CFAP299: variants seen among roughly 807,000 people sequenced by gnomAD.
CFAP299 encodes cilia- and flagella-associated protein 299.
Under a neutral mutation model 27.0 loss-of-function variants are expected in CFAP299, and 21 were observed. The observed-to-expected ratio is 0.78, with a 90% CI of 0.55 to 1.12. CFAP299 has a LOEUF of 1.12. Ranked by LOEUF, CFAP299 falls within the 50% of genes most tolerant of loss-of-function variation. The pLI is 0.00. For missense variants in CFAP299, 310 were observed against 276.6 expected (o/e 1.12, Z -0.86); for synonymous variants, 104 against 98.1 (o/e 1.06, Z -0.36).
intron 2 of CFAP299, among the ~76,000 whole-genome samples, chr4:80,456,781 A>G (rs192682568): frequency 6.6e-6 from 1 of 152,272 alleles, no homozygotes; most frequent in Admixed American, 6.5e-5. Context: ...TGACTCATGC[A>G]TGTAATCATG....
chr4:80,923,011 T>C, intron 4 of CFAP299, among the ~76,000 whole-genome samples: 1 of 151,996 alleles, frequency 6.6e-6, no homozygotes. Context: ...CAATATGTGC[T>C]ATGTAATCAG....
chr4:80,889,011 CAAAAAAAAAAA>C (rs35328435), intron 4 of CFAP299, among the ~76,000 whole-genome samples: 1 of 52,712 alleles, frequency 1.9e-5, no homozygotes, highest in African/African-American at 6.9e-5. Context: ...AGTGCCTAAG[CAAAAAAAAAAA>C]AAAAAAAAAA....
At chr4:80,642,623 G>C (rs1214856684) in intron 3 of CFAP299, among the ~76,000 whole-genome samples, 1 of 152,048 alleles carries the variant, frequency 6.6e-6, no homozygotes, top group African/African-American at 2.4e-5. Context: ...AATTAGCTGG[G>C]TGTGGTGGCA....
At chr4:80,845,279 G>GTTTT (rs200523960) in intron 3 of CFAP299, among the ~76,000 whole-genome samples, 2 of 134,584 alleles carry the variant, frequency 1.5e-5, no homozygotes, top group Non-Finnish European at 1.6e-5. Context: ...GTCCCACACT[G>GTTTT]TTTTTTTTTT....
chr4:80,581,316 A>C (rs553354795), intron 2 of CFAP299, among the ~76,000 whole-genome samples: 14 of 151,240 alleles, frequency 9.3e-5, no homozygotes, highest in Non-Finnish European at 1.3e-4. Flanking sequence ...AACATGGAAC[A>C]CTCACTTTTG....
At chr4:80,321,758 C>G in the CFAP299 span, among the ~76,000 whole-genome samples, 1 of 152,184 alleles carries the variant, frequency 6.6e-6, no homozygotes, top group Non-Finnish European at 1.5e-5. Flanking sequence ...ATGCCATCAT[C>G]CTTCCTGTCT....
At chr4:80,377,476 A>G in intron 2 of CFAP299, among the ~76,000 whole-genome samples, 1 of 151,846 alleles carries the variant, frequency 6.6e-6, no homozygotes, top group South Asian at 2.1e-4. Flanking sequence ...CCACGGATTT[A>G]TATGTCTATC....
intron 3 of CFAP299, among the ~76,000 whole-genome samples, chr4:80,592,718 C>T (rs1383463146): frequency 6.6e-6 from 1 of 152,148 alleles, no homozygotes; most frequent in African/African-American, 2.4e-5. Context: ...TTTTGCAAAG[C>T]ATGATGGTGA....
intron 2 of CFAP299, among the ~76,000 whole-genome samples, chr4:80,474,537 C>T (rs1208017551): frequency 6.6e-6 from 1 of 152,188 alleles, no homozygotes; most frequent in East Asian, 1.9e-4. Context: ...TTTTCCACAT[C>T]TCCCCATTCA....
At chr4:80,912,969 T>C (rs1389548086) in intron 4 of CFAP299, among the ~76,000 whole-genome samples, 1 of 152,120 alleles carries the variant, frequency 6.6e-6, no homozygotes, top group Admixed American at 6.5e-5. Context: ...ACAGAGGTCT[T>C]GGTCCACTCT....
chr4:80,474,606 G>A (rs989512526), intron 2 of CFAP299, among the ~76,000 whole-genome samples: 2 of 152,082 alleles, frequency 1.3e-5, no homozygotes, highest in African/African-American at 2.4e-5. Flanking sequence ...TGTGGAAGAT[G>A]GGTAAGGTTA....
intron 4 of CFAP299, among the ~76,000 whole-genome samples, chr4:80,926,492 G>C (rs752623508): frequency 4.6e-5 from 7 of 151,916 alleles, no homozygotes; most frequent in African/African-American, 7.2e-5. Flanking sequence ...TGAAATATTT[G>C]GGGAGAAGTA....
At chr4:80,663,205 T>A (rs902716060) in intron 3 of CFAP299, among the ~76,000 whole-genome samples, 2 of 152,198 alleles carry the variant, frequency 1.3e-5, no homozygotes, top group Non-Finnish European at 2.9e-5. Flanking sequence ...TACATACGTA[T>A]ACACGTGCCA....
chr4:80,684,278 G>T (rs907912249), intron 3 of CFAP299, among the ~76,000 whole-genome samples: 71 of 151,282 alleles, frequency 4.7e-4, no homozygotes, highest in Middle Eastern at 3.4e-3. Context: ...TTTTTTTGGG[G>T]GGGGGGGACG....
At chr4:80,768,190 A>G (rs1726003893) in intron 3 of CFAP299, among the ~76,000 whole-genome samples, 1 of 152,222 alleles carries the variant, frequency 6.6e-6, no homozygotes, top group Non-Finnish European at 1.5e-5. Context: ...ATAACACCTA[A>G]GATTCTAAAA....
intron 2 of CFAP299, among the ~76,000 whole-genome samples, chr4:80,577,894 A>G (rs555708937): frequency 1.3e-5 from 2 of 152,284 alleles, no homozygotes; most frequent in African/African-American, 2.4e-5. Flanking sequence ...TTTGTTATTC[A>G]TTCGTTTTGA....
chr4:80,451,554 A>G (rs534665759), intron 2 of CFAP299, among the ~76,000 whole-genome samples: 1 of 152,332 alleles, frequency 6.6e-6, no homozygotes, highest in Admixed American at 6.5e-5. Context: ...GATAAGTGAA[A>G]CAGTTTTGTC....
At chr4:80,411,470 A>G (rs1005222921) in intron 2 of CFAP299, among the ~76,000 whole-genome samples, 1 of 151,996 alleles carries the variant, frequency 6.6e-6, no homozygotes, top group African/African-American at 2.4e-5. Flanking sequence ...AGGAATGTAA[A>G]CAATCTAATT....
chr4:80,376,137 G>A (rs1256332478), intron 2 of CFAP299, among the ~76,000 whole-genome samples: 1 of 151,926 alleles, frequency 6.6e-6, no homozygotes, highest in African/African-American at 2.4e-5. Context: ...CTATAGTTTT[G>A]CCTTTTTTTT....
Sources: allele counts gnomAD v4.1 joint callset (sites outside exome capture counted in the v4.1 genomes callset), GRCh38; gene constraint gnomAD v4.1.1; transcripts MANE v1.5; gene names NCBI Gene and HGNC (gene_info 2026-07-23, HGNC 2026-07-21).